Variants in UNC13D observed in about 807,000 individuals in gnomAD.
UNC13D encodes unc-13 homolog D.
In UNC13D, 115 loss-of-function variants were observed where a neutral mutation model predicts 151.7. That is an observed-to-expected ratio of 0.76 (90% confidence interval 0.65 to 0.88). The LOEUF (loss-of-function observed/expected upper bound fraction) is 0.88, where lower values mean the gene tolerates loss of function less well. Ranked by LOEUF, UNC13D falls within the 40% of genes least tolerant of loss-of-function variation. The pLI, the probability that UNC13D is intolerant of heterozygous loss-of-function variation, is 0.00. For missense variants in UNC13D, 1,369 were observed against 1,438.7 expected, an observed-to-expected ratio of 0.95 and a Z score of 0.78; for synonymous variants, 588 against 612.2, an observed-to-expected ratio of 0.96 and a Z score of 0.58.
rs562357679 is a variant in UNC13D at position 75,828,914 on chromosome 17, C to G, written c.3024G>C (p.Thr1008=). 4.2e-5 allele frequency: 67 copies of G among 1,607,300 alleles called. 1 individual carries two copies. In the South Asian group the frequency reaches 7.4e-4, roughly 18 times the overall value. ...CLLLTVLDYD[T]LGADDLEGEA... ...CGCCTTCCAGGTCGTCGGCCCCCAG[C>G]GTGTCGTAGTCCAGCACGGTGAGCA... Residue 1008 remains threonine, a synonymous_variant, in exon 31 of 32, where the codon ACG becomes ACC. Coordinates refer to ENST00000207549, the MANE Select transcript of UNC13D (RefSeq NM_199242.3).
Position 75,835,912 on chromosome 17 carries a change from G to A in UNC13D, c.1545-6C>T. 6.2e-7 allele frequency: 1 copy of A among 1,614,188 alleles called. No individual in the cohort carries two copies. The highest frequency in any genetic ancestry group is 8.5e-7 in the Non-Finnish European group (1 of 1,180,032). On this transcript the variant is annotated splice_polypyrimidine_tract_variant and splice_region_variant and intron_variant, in intron 17 of 31. Coordinates refer to ENST00000207549, the MANE Select transcript of UNC13D (RefSeq NM_199242.3). ...AGAGGTGGATCTTGAGGGTACTGGA[G>A]GAAAGGCAGCAGGTGTCACCCAGTG... is the stretch of plus-strand genomic sequence containing the variant.
At chr17:75,843,830 A>AGTGAGGCTCGGCAGCGGAG in intron 1 of UNC13D, 2 of 1,369,822 alleles carry the variant, frequency 1.5e-6, no homozygotes, top group Non-Finnish European at 1.9e-6. Flanking sequence ...CAGCAGCGGA[A>AGTGAGGCTCGGCAGCGGAG]GTGAGGCTCG....
Position 75,828,818 on chromosome 17 carries a change from G to C in UNC13D, c.3120C>G (p.Thr1040=). ...GTGCGGGGTACGTGAGGGGCAGGCG[G>C]GTCTGAGGCACCTCACCAGGCTCCT... ...GSEEPGEVPQ[T]RLPLTYPAPN... is the part of the protein sequence containing the mutation. Residue 1040 remains threonine, a synonymous_variant, in exon 31 of 32, where the codon ACC becomes ACG. Transcript: ENST00000207549. 6.4e-7 allele frequency: 1 copy of C among 1,562,782 alleles called. No homozygotes were observed. The highest frequency in any genetic ancestry group is 8.6e-7 in the Non-Finnish European group (1 of 1,156,234).
chr17:75,834,535 GGACAGAGA>G lies in UNC13D; in HGVS notation c.2092-12_2092-5del. On this transcript the variant is annotated splice_region_variant and splice_polypyrimidine_tract_variant and intron_variant, in intron 22 of 31. Coordinates refer to ENST00000207549, the MANE Select transcript of UNC13D (RefSeq NM_199242.3). The stretch of plus-strand genomic sequence containing the variant: ...TGTCATTCACCACCACACACAGCTG[GGACAGAGA>G]TGCAGAGCTTCCTGAACTGTGCCCA... The G allele has an allele frequency of 2.5e-6, 4 of 1,598,306 alleles. No individual in the cohort carries two copies. The highest frequency in any genetic ancestry group is 3.4e-6 in the Non-Finnish European group (4 of 1,172,454).
At position 75,831,140 on chromosome 17, in the gene UNC13D, G is replaced by A; in HGVS notation, c.2583C>T (p.Gly861=). ...GCAGGGCCTTGGGTGGCAGGCCACAGCCCTCAGCGTGGAAGCAGATCTCCA... is the reference window on the plus strand; with the variant it reads ...GCAGGGCCTTGGGTGGCAGGCCACAACCCTCAGCGTGGAAGCAGATCTCCA... The part of the protein sequence containing the change: ...QNLEICFHAE[G]CGLPPKALHT... The change falls in exon 27 of 32, where the codon GGC becomes GGT. Residue 861 remains glycine, a synonymous_variant. Coordinates refer to ENST00000207549, the MANE Select transcript of UNC13D (RefSeq NM_199242.3). The A allele has an allele frequency of 6.2e-7, 1 of 1,614,036 alleles. No individual in the cohort carries two copies. The highest frequency in any genetic ancestry group is 8.5e-7 in the Non-Finnish European group (1 of 1,180,032).
At chr17:75,838,640 C>T (rs1028095180) in intron 12 of UNC13D, among the ~76,000 whole-genome samples, 6 of 152,138 alleles carry the variant, frequency 3.9e-5, no homozygotes, top group Non-Finnish European at 5.9e-5. Context: ...CTTATCAGCG[C>T]GTAGTTTTGC....
At chr17:75,841,275 G>C (rs2064947328) in intron 6 of UNC13D, 1 of 423,688 alleles carries the variant, frequency 2.4e-6, no homozygotes, top group Non-Finnish European at 4.4e-6. Flanking sequence ...CTTCCAAGTA[G>C]CTGGGATTAC....
chr17:75,837,754 C>CAAA lies in UNC13D; in HGVS notation c.1056-839_1056-837dup, dbSNP rs56040848. On this transcript the variant is annotated intron_variant, in intron 12 of 31. Transcript: ENST00000207549. ...GGGCGACAAGAGGGAAACTCCAGCT[C>CAAA]AAAAAAAAAAAAGAAAAGAAAAGAA... 1.4e-4 allele frequency among the ~76,000 whole-genome samples: 18 copies of CAAA among 125,224 alleles called. 3 individuals are homozygous for CAAA. The highest frequency in any genetic ancestry group is 1.3e-4 in the African/African-American group (4 of 31,272). 82.2% of individuals were successfully genotyped at this position (125,224 alleles called of 152,430 possible).
At position 75,834,101 on chromosome 17, in the gene UNC13D, C is replaced by G; in HGVS notation, c.2341G>C (p.Val781Leu). The G allele has an allele frequency of 1.2e-6, 2 of 1,613,770 alleles. No homozygotes were observed. Among genetic ancestry groups the G allele is most frequent in the Non-Finnish European group, 1.7e-6 (2 of 1,180,028 alleles). ...IAKHIQKLVG[V>L]RESVLPEDAI... is the part of the protein sequence containing the mutation. Reference sequence around the variant, plus strand: ...TCCTCAGGCAGGACAGACTCCCTGACGCCCACCAGTTTCTGGATGTGCTTG... The same window carrying G: ...TCCTCAGGCAGGACAGACTCCCTGAGGCCCACCAGTTTCTGGATGTGCTTG... Residue 781 changes from valine (V) to leucine (L), a missense_variant, in exon 24 of 32, where the codon GTC becomes CTC. Val to Leu is a conservative substitution (Grantham distance 32). Transcript: ENST00000207549.
chr17:75,833,172 G>T lies in UNC13D; in HGVS notation c.2368-127C>A. On this transcript the variant is annotated intron_variant, in intron 24 of 31. Coordinates refer to ENST00000207549, the MANE Select transcript of UNC13D (RefSeq NM_199242.3). The surrounding 1 kb of genome is among the most constrained non-coding windows in gnomAD (Gnocchi z 4.0). ...TCTGTGAGAGCAGTTTGTAGTGTCTGTAAGAGGCCGGCCTGCCCACCTCTC... is the reference window on the plus strand; with the variant it reads ...TCTGTGAGAGCAGTTTGTAGTGTCTTTAAGAGGCCGGCCTGCCCACCTCTC... 1.1e-6 allele frequency: 1 copy of T among 906,552 alleles called. No homozygotes were observed. Among genetic ancestry groups the T allele is most frequent in the Non-Finnish European group, 1.7e-6 (1 of 580,432 alleles). 56.2% of individuals were successfully genotyped at this position (906,552 alleles called of 1,614,324 possible).
At chr17:75,828,738 C>T (rs1213024170) in intron 31 of UNC13D, 49 bp downstream of exon 31, 3 of 1,473,882 alleles carry the variant, frequency 2.0e-6, no homozygotes, top group Non-Finnish European at 2.7e-6. Context: ...CCTGCCTGAG[C>T]TTTACAGGCT....
At chr17:75,843,123 C>T in intron 3 of UNC13D, 36 bp downstream of exon 3, 1 of 1,609,002 alleles carries the variant, frequency 6.2e-7, no homozygotes, top group Non-Finnish European at 8.5e-7. Context: ...GACAGGGCAG[C>T]TGCAGGAAGG....
In UNC13D at chr17:75,835,715, G is replaced by A. The variant is rs374031487; in HGVS notation, c.1659C>T (p.Gly553=). 22 of 1,613,516 alleles carry A rather than the reference G, an allele frequency of 1.4e-5. No homozygotes were observed. The highest frequency in any genetic ancestry group is 1.8e-5 in the Non-Finnish European group (21 of 1,180,046). Residue 553 remains glycine, a synonymous_variant, in exon 19 of 32, where the codon GGC becomes GGT. Coordinates refer to ENST00000207549, the MANE Select transcript of UNC13D (RefSeq NM_199242.3). ...TGATGTAGAGCTGGAACAGACTCTC[G>A]CCCATCTCTGGGGACACTACATCAC... is the stretch of plus-strand genomic sequence containing the variant. ...VVGDVVSPEM[G]ESLFQLYISL... is the part of the protein sequence containing the mutation.
At position 75,833,523 on chromosome 17, in the gene UNC13D, A is replaced by G. The variant is rs1302779866; in HGVS notation, c.2368-478T>C. ...CACGCGCATACACGCCTGTGCATAGAGTTAACAGCTATAACTATCACTATA... is the reference window on the plus strand; with the variant it reads ...CACGCGCATACACGCCTGTGCATAGGGTTAACAGCTATAACTATCACTATA... On this transcript the variant is annotated intron_variant, in intron 24 of 31. Transcript: ENST00000207549. This position sits in a 1 kb window ranked among gnomAD's most constrained non-coding sequence, Gnocchi z 4.0. Among the ~76,000 whole-genome samples, 1 of 152,168 alleles carries G rather than the reference A, an allele frequency of 6.6e-6. No individual in the cohort carries two copies. The highest frequency in any genetic ancestry group is 2.4e-5 in the African/African-American group (1 of 41,418).
At chr17:75,834,564 G>A (rs757924918) in intron 22 of UNC13D, 33 bp from the exon 23 acceptor site, 9 of 1,609,630 alleles carry the variant, frequency 5.6e-6, no homozygotes, top group Non-Finnish European at 5.9e-6. Context: ...CCTGAACTGT[G>A]CCCAGGCTGG....
At chr17:75,842,832 C>T in intron 5 of UNC13D, 25 bp downstream of exon 5, 1 of 1,613,512 alleles carries the variant, frequency 6.2e-7, no homozygotes, top group South Asian at 1.1e-5. Context: ...GAAGAAGCCC[C>T]TTGGGGACCC....
In UNC13D at chr17:75,830,025, C is replaced by A. The variant is rs924698827; in HGVS notation, c.2954+3G>T. ...GACTGGGAGAAGAACGGGACCCACT[C>A]ACAATTCAAAGGTCTCATCAAACAA... is the stretch of plus-strand genomic sequence containing the variant. On this transcript the variant is annotated splice_donor_region_variant and intron_variant, in intron 30 of 31. Coordinates refer to ENST00000207549, the MANE Select transcript of UNC13D (RefSeq NM_199242.3). The A allele has an allele frequency of 4.4e-6, 7 of 1,575,904 alleles. No individual in the cohort carries two copies. In the African/African-American group the frequency reaches 9.4e-5, roughly 21 times the overall value.
chr17:75,837,035 T>A, intron 12 of UNC13D, 117 bp from the exon 13 acceptor site: 1 of 483,636 alleles, frequency 2.1e-6, no homozygotes, highest in Non-Finnish European at 3.1e-6. Context: ...TGAAAACTAG[T>A]GGCTCAACAG....
rs770807242 is a variant in UNC13D at position 75,834,119 on chromosome 17, T to C, written c.2323A>G (p.Ile775Val). 6.2e-7 allele frequency: 1 copy of C among 1,613,824 alleles called. No homozygotes were observed. The highest frequency in any genetic ancestry group is 8.5e-7 in the Non-Finnish European group (1 of 1,180,018). ...EQLEVGIAKH[I>V]QKLVGVRESV... is the part of the protein sequence containing the mutation. Reference sequence around the variant, plus strand: ...TCCCTGACGCCCACCAGTTTCTGGATGTGCTTGGCGATGCCCACCTCCAAC... The same window carrying C: ...TCCCTGACGCCCACCAGTTTCTGGACGTGCTTGGCGATGCCCACCTCCAAC... Residue 775 changes from isoleucine (I) to valine (V), a missense_variant, in exon 24 of 32, where the codon ATC (isoleucine) becomes GTC (valine). Physicochemically the swap from Ile to Val is conservative, Grantham distance 29. Transcript: ENST00000207549.
Sources: allele counts gnomAD v4.1 joint callset (sites outside exome capture counted in the v4.1 genomes callset), GRCh38; gene constraint gnomAD v4.1.1; non-coding constraint Gnocchi (gnomAD v3.1); transcripts MANE v1.5; gene names NCBI Gene and HGNC (gene_info 2026-07-23, HGNC 2026-07-21).